NCOR2: variants seen among roughly 807,000 people sequenced by gnomAD.
The protein encoded by NCOR2 is CTG repeat protein 26.
A neutral mutation model predicts 262.9 loss-of-function variants in NCOR2; 81 were observed. That is an observed-to-expected ratio of 0.31 (90% CI 0.26 to 0.37). The LOEUF (loss-of-function observed/expected upper bound fraction) is 0.37, where lower values mean the gene tolerates loss of function less well. Ranked by LOEUF, NCOR2 falls within the 10% of genes least tolerant of loss-of-function variation. The pLI, the probability that NCOR2 is intolerant of heterozygous loss-of-function variation, is 1.00. For missense variants in NCOR2, 3,385 were observed against 3,621.4 expected (o/e 0.93, Z 1.68); for synonymous variants, 1,659 against 1,559.3 (o/e 1.06, Z -1.51).
At chr12:124,326,834 T>A (rs550129867) in intron 45 of NCOR2, among the ~76,000 whole-genome samples, 2 of 150,352 alleles carry the variant, frequency 1.3e-5, no homozygotes, top group Admixed American at 6.6e-5. Flanking sequence ...AGTGTCCAGG[T>A]TGGACAACTG....
chr12:124,501,090 A>G (rs1298763890), intron 1 of NCOR2, among the ~76,000 whole-genome samples: 39 of 115,622 alleles, frequency 3.4e-4, no homozygotes, highest in Non-Finnish European at 2.0e-4. Flanking sequence ...ACACACACAC[A>G]CACACACACA....
intron 1 of NCOR2, among the ~76,000 whole-genome samples, chr12:124,492,547 A>G (rs2048145314): frequency 6.6e-6 from 1 of 152,142 alleles, no homozygotes. Flanking sequence ...TCACTGAGGC[A>G]TCCCGTGGAT....
intron 1 of NCOR2, among the ~76,000 whole-genome samples, chr12:124,546,912 T>C (rs931502862): frequency 3.3e-5 from 5 of 152,182 alleles, no homozygotes; most frequent in Non-Finnish European, 5.9e-5. Context: ...GTAGCCCTTA[T>C]CTGACTGAAC....
intron 13 of NCOR2, among the ~76,000 whole-genome samples, chr12:124,417,087 TCACTCCACGGAGAGCAGGCC>T (rs2042924692): frequency 6.8e-6 from 1 of 147,562 alleles, no homozygotes; most frequent in Admixed American, 6.7e-5. Flanking sequence ...GGCCGGACAG[TCACTCCACGGAGAGCAGGCC>T]GGACAGTCAC....
At chr12:124,363,899 G>T in intron 20 of NCOR2, 100 bp from the exon 23 acceptor site, 1 of 1,069,954 alleles carries the variant, frequency 9.3e-7, no homozygotes, top group African/African-American at 1.6e-5. Flanking sequence ...CTCAAGCCCT[G>T]GGGACGAGGC....
Position 124,523,445 on chromosome 12 carries a change from A to G in NCOR2, c.-118+12120T>C, listed in dbSNP as rs1294464030. On this transcript the variant is annotated intron_variant, in intron 1 of 46. Transcript: ENST00000404621. This position sits in a 1 kb window ranked among gnomAD's most constrained non-coding sequence, Gnocchi z 4.0. ...CACGCCAGCCAGCTGGATCCCAGGG[A>G]CCTAACCCGGGAAGGACACATCACG... Among the ~76,000 whole-genome samples the G allele has an allele frequency of 3.9e-5, 6 of 152,072 alleles. No individual in the cohort carries two copies. Among genetic ancestry groups the G allele is most frequent in the Non-Finnish European group, 8.8e-5 (6 of 68,010 alleles).
At chr12:124,428,086 T>TGTGTGTGTGTGTGTGTGCGC (rs958627720) in intron 10 of NCOR2, among the ~76,000 whole-genome samples, 11 of 147,166 alleles carry the variant, frequency 7.5e-5, no homozygotes, top group Non-Finnish European at 1.4e-4. Context: ...TGTGTGTGTG[T>TGTGTGTGTGTGTGTGTGCGC]GTACATGCAA....
chr12:124,528,249 G>A (rs1446986359), intron 1 of NCOR2, among the ~76,000 whole-genome samples: 4 of 152,192 alleles, frequency 2.6e-5, no homozygotes, highest in African/African-American at 7.2e-5. Flanking sequence ...CAGAGCCGAA[G>A]ATTAAAAACA....
chr12:124,548,816 G>A lies in NCOR2; in HGVS notation c.-164-13205C>T, dbSNP rs78101898. Among the ~76,000 whole-genome samples the A allele has an allele frequency of 0.04, 6,104 of 152,010 alleles. 383 individuals are homozygous for A. The highest frequency in any genetic ancestry group is 0.14 in the African/African-American group (5,736 of 41,412). ...ATGACCTGGCCATTCAAAAAAACCT[G>A]CCAGAACCAGTCCAAATACTAGCTG... On this transcript the variant is annotated intron_variant, in intron 1 of 32. Coordinates refer to the NCOR2 transcript ENST00000458234. The surrounding 1 kb of genome is among the most constrained non-coding windows in gnomAD (Gnocchi z 5.1).
At chr12:124,532,199 C>G (rs577455058) in intron 1 of NCOR2, among the ~76,000 whole-genome samples, 2 of 152,264 alleles carry the variant, frequency 1.3e-5, no homozygotes, top group Admixed American at 1.3e-4. Context: ...GCCCTGAGGT[C>G]TGTCCCCCCT....
intron 1 of NCOR2, among the ~76,000 whole-genome samples, chr12:124,544,084 G>A (rs980550186): frequency 2.0e-5 from 3 of 152,032 alleles, no homozygotes; most frequent in Non-Finnish European, 2.9e-5. Context: ...GCCTCTGCCC[G>A]GCACCCCCTG....
intron 1 of NCOR2, among the ~76,000 whole-genome samples, chr12:124,533,412 AAG>A (rs2050952438): frequency 6.6e-6 from 1 of 151,810 alleles, no homozygotes; most frequent in Non-Finnish European, 1.5e-5. Context: ...TCTTTGCTCA[AAG>A]GCCACCTTCT....
In NCOR2 at chr12:124,523,314, C is replaced by T. The variant is rs964645869; in HGVS notation, c.-118+12251G>A. On this transcript the variant is annotated intron_variant, in intron 1 of 46. Coordinates refer to the NCOR2 transcript ENST00000404621. This position sits in a 1 kb window ranked among gnomAD's most constrained non-coding sequence, Gnocchi z 4.0. ...ATGGGCACCCAGCAACTGGCAAGGA[C>T]GGCTGGGGGCAGGGGGCAGGTGGCT... Among the ~76,000 whole-genome samples the T allele has an allele frequency of 7.9e-5, 12 of 152,166 alleles. No individual in the cohort carries two copies. The highest frequency in any genetic ancestry group is 2.7e-4 in the African/African-American group (11 of 41,438).
At chr12:124,372,294 G>T in exon 20 of NCOR2, 1 of 1,541,792 alleles carries the variant, frequency 6.5e-7, no homozygotes, top group South Asian at 1.2e-5. Flanking sequence ...CAGCCGCGGG[G>T]GGCTTCTGCT....
intron 7 of NCOR2, among the ~76,000 whole-genome samples, chr12:124,448,090 G>T (rs2045294625): frequency 6.6e-6 from 1 of 152,240 alleles, no homozygotes; most frequent in Non-Finnish European, 1.5e-5. Context: ...ATCCAAGGCT[G>T]AATAGCCAAG....
At chr12:124,346,482 T>C (rs1041485961) in intron 31 of NCOR2, 82 bp downstream of exon 33, 4 of 1,359,532 alleles carry the variant, frequency 2.9e-6, no homozygotes, top group Non-Finnish European at 2.9e-6. Context: ...GGTTTCCCCA[T>C]GTGGAGAGGC....
At chr12:124,334,523 G>T in exon 41 of NCOR2, 1 of 1,439,322 alleles carries the variant, frequency 6.9e-7, no homozygotes, top group East Asian at 2.7e-5. Flanking sequence ...GTCCAGGACG[G>T]GGCAGCTGGC....
chr12:124,436,999 T>C (rs1236787171), intron 8 of NCOR2, among the ~76,000 whole-genome samples: 1 of 151,966 alleles, frequency 6.6e-6, no homozygotes, highest in Non-Finnish European at 1.5e-5. Context: ...GGCAGGAGAA[T>C]TGCTTGAACC....
chr12:124,369,515 A>C (rs919548240), intron 20 of NCOR2, among the ~76,000 whole-genome samples: 2 of 151,758 alleles, frequency 1.3e-5, no homozygotes, highest in Non-Finnish European at 1.5e-5. Context: ...CCTGGCTGCC[A>C]GGGCCTACTC....
Sources: gnomAD v4.1 joint callset for allele counts (sites outside exome capture counted in the v4.1 genomes callset) on GRCh38, gnomAD v4.1.1 for gene constraint, Gnocchi (gnomAD v3.1) non-coding constraint, MANE v1.5 for transcripts, NCBI Gene and HGNC (gene_info 2026-07-23, HGNC 2026-07-21) for gene names.